The following PCBP3 variants were observed in gnomAD, a reference collection of about 807,000 sequenced individuals.
The protein encoded by PCBP3 is poly(rC)-binding protein 3.
Under a neutral mutation model 52.7 loss-of-function variants are expected in PCBP3, and 25 were observed. That is an observed-to-expected ratio of 0.47 (90% confidence interval 0.35 to 0.66). PCBP3 has a LOEUF of 0.66. PCBP3 is among the 30% of genes least tolerant of loss of function. The pLI is 0.01. For missense variants in PCBP3, 391 were observed against 490.3 expected (o/e 0.80, Z 1.91); for synonymous variants, 162 against 183.0 (o/e 0.89, Z 0.93).
intron 4 of PCBP3, among the ~76,000 whole-genome samples, chr21:45,772,208 C>T (rs2145831226): frequency 6.6e-6 from 1 of 152,260 alleles, no homozygotes; most frequent in South Asian, 2.1e-4. Flanking sequence ...TTCATCCTCT[C>T]CCCTAACCCC....
At chr21:45,937,589 G>A (rs2077010497) in intron 16 of PCBP3, among the ~76,000 whole-genome samples, 1 of 152,210 alleles carries the variant, frequency 6.6e-6, no homozygotes. Context: ...TGATTAGGAG[G>A]GGCCACATTA....
chr21:45,807,970 G>C (rs192778056), intron 4 of PCBP3, among the ~76,000 whole-genome samples: 2,129 of 152,266 alleles, frequency 0.014, 53 homozygotes, highest in African/African-American at 0.048. Context: ...TTAATAAATG[G>C]TGTTGGGAAA....
At chr21:45,671,393 C>CAGGTT (rs750332802) in intron 2 of PCBP3, among the ~76,000 whole-genome samples, 3 of 152,202 alleles carry the variant, frequency 2.0e-5, no homozygotes, top group Non-Finnish European at 2.9e-5. Context: ...AACTGACACA[C>CAGGTT]AGGTTGTCTG....
chr21:45,694,903 A>T (rs994472815), intron 2 of PCBP3, among the ~76,000 whole-genome samples: 1 of 152,218 alleles, frequency 6.6e-6, no homozygotes. Flanking sequence ...TGAAACTAAA[A>T]CACCACGATC....
intron 2 of PCBP3, among the ~76,000 whole-genome samples, chr21:45,672,825 T>A (rs1273385715): frequency 1.3e-5 from 2 of 152,148 alleles, no homozygotes. Context: ...TTTTCCCGGA[T>A]TGTGAGGCCC....
chr21:45,900,570 T>C (rs368962072), intron 7 of PCBP3, 21 bp from the exon 8 acceptor site: 18 of 1,606,832 alleles, frequency 1.1e-5, no homozygotes, highest in Non-Finnish European at 1.5e-5. Context: ...CTTTTCCTTA[T>C]TGTCTAAATC....
intron 5 of PCBP3, among the ~76,000 whole-genome samples, chr21:45,864,738 C>A (rs2094644255): frequency 6.6e-6 from 1 of 152,102 alleles, no homozygotes; most frequent in African/African-American, 2.4e-5. Context: ...TTGAATGTGT[C>A]CTATCAGTTT....
chr21:45,738,065 T>G (rs2086021328), intron 3 of PCBP3, among the ~76,000 whole-genome samples: 2 of 152,072 alleles, frequency 1.3e-5, no homozygotes, highest in African/African-American at 4.8e-5. Flanking sequence ...GTCCACTTCA[T>G]TTTGCAGGTA....
chr21:45,684,575 G>T (rs2082043093), intron 2 of PCBP3, among the ~76,000 whole-genome samples: 2 of 152,112 alleles, frequency 1.3e-5, no homozygotes, highest in African/African-American at 4.8e-5. Context: ...ACTGTTTAAA[G>T]AAGAGCATGG....
chr21:45,790,030 C>T (rs2091434713), intron 4 of PCBP3, among the ~76,000 whole-genome samples: 1 of 152,108 alleles, frequency 6.6e-6, no homozygotes, highest in African/African-American at 2.4e-5. Context: ...ATCCCAGCTA[C>T]GCGGGAGGCT....
chr21:45,768,299 A>T (rs987739411), intron 4 of PCBP3, among the ~76,000 whole-genome samples: 67 of 152,214 alleles, frequency 4.4e-4, no homozygotes, highest in African/African-American at 1.6e-3. Flanking sequence ...CTTGGACAAG[A>T]TGAAGGTTTC....
At chr21:45,851,437 G>A (rs890354244) in intron 5 of PCBP3, among the ~76,000 whole-genome samples, 3 of 152,116 alleles carry the variant, frequency 2.0e-5, no homozygotes, top group Non-Finnish European at 4.4e-5. Flanking sequence ...GCTTGAACCC[G>A]GGAGGAGAAG....
At chr21:45,893,009 T>A (rs973063191) in intron 5 of PCBP3, among the ~76,000 whole-genome samples, 6 of 151,028 alleles carry the variant, frequency 4.0e-5, no homozygotes, top group Non-Finnish European at 7.4e-5. Flanking sequence ...GGGGAGCCGA[T>A]AATAACAGGG....
At chr21:45,814,699 A>ATGAGTGGTGAGTGATGAG (rs1569258641) in intron 4 of PCBP3, among the ~76,000 whole-genome samples, 51 of 76,392 alleles carry the variant, frequency 6.7e-4, no homozygotes, top group Non-Finnish European at 8.9e-4. Context: ...GTGGTGAGTG[A>ATGAGTGGTGAGTGATGAG]TGAGTGGTGA....
intron 4 of PCBP3, chr21:45,762,491 C>CTTTTTTTTGTT (rs2088796697): frequency 9.6e-6 from 1 of 104,666 alleles, no homozygotes; most frequent in African/African-American, 3.4e-5. Flanking sequence ...CTTTTCTTCT[C>CTTTTTTTTGTT]TTTTTTTTTT....
chr21:45,778,831 G>T (rs897890873), intron 4 of PCBP3, among the ~76,000 whole-genome samples: 1 of 152,174 alleles, frequency 6.6e-6, no homozygotes, highest in Non-Finnish European at 1.5e-5. Context: ...GGTTGGCAGG[G>T]GTGGGTCGAT....
intron 5 of PCBP3, among the ~76,000 whole-genome samples, chr21:45,873,909 G>A (rs958505567): frequency 1.3e-4 from 20 of 152,362 alleles, no homozygotes; most frequent in African/African-American, 2.9e-4. Flanking sequence ...GACTACAAGC[G>A]TGCGCCATCG....
chr21:45,878,191 G>A (rs1057224689), intron 5 of PCBP3, among the ~76,000 whole-genome samples: 12 of 152,254 alleles, frequency 7.9e-5, no homozygotes, highest in African/African-American at 2.2e-4. Context: ...GGCTGGCAAC[G>A]CACAGGGGCA....
At chr21:45,673,886 C>A (rs1205947609) in intron 2 of PCBP3, among the ~76,000 whole-genome samples, 1 of 152,090 alleles carries the variant, frequency 6.6e-6, no homozygotes, top group African/African-American at 2.4e-5. Flanking sequence ...GTTGGGTGCT[C>A]TTCTATAGAG....
Sources: gnomAD v4.1 joint callset for allele counts (sites outside exome capture counted in the v4.1 genomes callset) on GRCh38, gnomAD v4.1.1 for gene constraint, MANE v1.5 for transcripts, NCBI Gene and HGNC (gene_info 2026-07-23, HGNC 2026-07-21) for gene names.